The following SLC12A1 variants were observed in gnomAD, a reference collection of about 807,000 sequenced individuals.
SLC12A1 encodes the protein solute carrier family 12 member 1, also known as Na-K-2Cl cotransporter.
In SLC12A1, 89 loss-of-function variants were observed where a neutral mutation model predicts 130.4. The ratio of observed to expected loss-of-function variants is 0.68; its 90% CI spans 0.58 to 0.81. The LOEUF (loss-of-function observed/expected upper bound fraction) is 0.81, where lower values mean the gene tolerates loss of function less well. SLC12A1 is among the 40% of genes least tolerant of loss of function. SLC12A1 has a pLI of 0.00. For missense variants in SLC12A1, 1,310 were observed against 1,336.4 expected (o/e 0.98, Z 0.31); for synonymous variants, 499 against 460.0 (o/e 1.08, Z -1.09).
At chr15:48,285,522 G>C (rs1212444697) in intron 21 of SLC12A1, among the ~76,000 whole-genome samples, 1 of 152,184 alleles carries the variant, frequency 6.6e-6, no homozygotes, top group Non-Finnish European at 1.5e-5. Flanking sequence ...CAGATTGCAT[G>C]CCATAAAACA....
At chr15:48,253,687 G>T (rs141808552) in intron 15 of SLC12A1, among the ~76,000 whole-genome samples, 353 of 152,220 alleles carry the variant, frequency 2.3e-3, no homozygotes, top group Admixed American at 4.6e-3. Flanking sequence ...CTAGTAGTGG[G>T]ATTTATGATT....
intron 23 of SLC12A1, among the ~76,000 whole-genome samples, chr15:48,291,201 T>C (rs1000701520): frequency 6.6e-6 from 1 of 151,556 alleles, no homozygotes; most frequent in Non-Finnish European, 1.5e-5. Flanking sequence ...AAAACTTTTC[T>C]GTAACTTTGA....
intron 17 of SLC12A1, among the ~76,000 whole-genome samples, chr15:48,263,753 C>T (rs933388624): frequency 1.3e-5 from 2 of 151,990 alleles, no homozygotes; most frequent in Non-Finnish European, 2.9e-5. Flanking sequence ...AGTACAATGG[C>T]GCAATCATAG....
intron 22 of SLC12A1, 47 bp downstream of exon 22, chr15:48,288,221 A>G: frequency 6.4e-7 from 1 of 1,570,532 alleles, no homozygotes; most frequent in Non-Finnish European, 8.7e-7. Context: ...TTCAATTTTG[A>G]TAAACTTAAA....
intron 24 of SLC12A1, among the ~76,000 whole-genome samples, chr15:48,294,899 TTTTATTTA>T (rs6145555): frequency 1.4e-5 from 2 of 147,438 alleles, no homozygotes; most frequent in African/African-American, 2.6e-5. Context: ...CTTCTTTTTA[TTTTATTTA>T]TTTATTTATT....
In SLC12A1 at chr15:48,300,276, G is replaced by A. The variant is rs77996098; in HGVS notation, c.3096+1001G>A. 3.4e-3 allele frequency among the ~76,000 whole-genome samples: 522 copies of A among 151,826 alleles called. 1 individual carries two copies. The highest frequency in any genetic ancestry group is 0.012 in the African/African-American group (510 of 41,350). ...AGCCCAGGGGGCAGAGGTGAGCTGA[G>A]CTCGTGCCACTGTACTCTAGTCTGG... is the stretch of plus-strand genomic sequence containing the variant. On this transcript the variant is annotated intron_variant, in intron 25 of 26. Coordinates refer to ENST00000380993, the MANE Select transcript of SLC12A1 (RefSeq NM_000338.3).
chr15:48,249,426 C>A (rs1276447111), intron 13 of SLC12A1, 149 bp from the exon 14 acceptor site: 2 of 664,378 alleles, frequency 3.0e-6, no homozygotes, highest in Non-Finnish European at 5.3e-6. Context: ...ATATGTATCC[C>A]CAAAGAAAAA....
intron 17 of SLC12A1, among the ~76,000 whole-genome samples, chr15:48,260,282 TAATAAA>T (rs1297547333): frequency 2.7e-5 from 4 of 148,030 alleles, no homozygotes; most frequent in African/African-American, 9.9e-5. Context: ...ATAATAATAA[TAATAAA>T]GTCTAAGTCC....
rs1414445603 is a variant in SLC12A1, at chr15:48,288,321, T to C, written c.2762-84T>C. 11 of 1,051,982 alleles carry C rather than the reference T, an allele frequency of 1.0e-5. No individual in the cohort carries two copies. The African/African-American group carries it at 1.6e-4, about 15-fold the overall frequency. 65.2% of individuals were successfully genotyped at this position (1,051,982 alleles called of 1,614,324 possible). A position where few individuals can be genotyped will look rare whatever the true frequency, so the allele number is the denominator to read the frequency against. ...CTATAACTTAATTAAGAGCTATCAA[T>C]GTGGTAATGAATAAAGATATAAAGC... On this transcript the variant is annotated intron_variant, in intron 22 of 26. Coordinates refer to ENST00000380993, the MANE Select transcript of SLC12A1 (RefSeq NM_000338.3).
intron 4 of SLC12A1, chr15:48,223,070 TG>T (rs891752794): frequency 3.3e-5 from 5 of 152,244 alleles, no homozygotes; most frequent in Non-Finnish European, 5.9e-5. Context: ...CGGTATGACC[TG>T]AAGCAAGTCA....
intron 2 of SLC12A1, among the ~76,000 whole-genome samples, chr15:48,213,854 G>A (rs1474202144): frequency 6.6e-6 from 1 of 152,004 alleles, no homozygotes; most frequent in African/African-American, 2.4e-5. Flanking sequence ...AAACGACATC[G>A]TTATGGATAC....
In SLC12A1 at chr15:48,289,047, C is replaced by T. The variant is rs530499700; in HGVS notation, c.2873+531C>T. On this transcript the variant is annotated intron_variant, in intron 23 of 26. Coordinates refer to ENST00000380993, the MANE Select transcript of SLC12A1 (RefSeq NM_000338.3). ...AACGCATCTGGGTCCCCAGTTTCTC[C>T]TTTGTAGTTTGAAAGAGTTTAAAGG... is the stretch of plus-strand genomic sequence containing the variant. Among the ~76,000 whole-genome samples the T allele has an allele frequency of 4.6e-5, 7 of 151,890 alleles. No individual in the cohort carries two copies. The East Asian group carries it at 5.8e-4, about 13-fold the overall frequency.
intron 26 of SLC12A1, among the ~76,000 whole-genome samples, chr15:48,302,055 G>A (rs2042238549): frequency 1.3e-5 from 2 of 152,146 alleles, no homozygotes; most frequent in Non-Finnish European, 2.9e-5. Flanking sequence ...CTGCTGGATT[G>A]GGTGGTAGGG....
At chr15:48,274,499 T>G in intron 19 of SLC12A1, 72 bp from the exon 20 acceptor site, 6 of 923,726 alleles carry the variant, frequency 6.5e-6, no homozygotes, top group Non-Finnish European at 1.0e-5. Flanking sequence ...TAGAAGCAAG[T>G]GTAATACTAG....
intron 11 of SLC12A1, among the ~76,000 whole-genome samples, chr15:48,246,051 G>A (rs1020767948): frequency 3.9e-5 from 6 of 152,188 alleles, no homozygotes; most frequent in Non-Finnish European, 8.8e-5. Context: ...TAAATTTGTC[G>A]CGAAAGCTTC....
intron 17 of SLC12A1, among the ~76,000 whole-genome samples, 164 bp downstream of exon 17, chr15:48,259,475 G>A (rs189213566): frequency 7.9e-5 from 12 of 152,168 alleles, no homozygotes; most frequent in South Asian, 4.1e-4. Flanking sequence ...GCAAGAGCCC[G>A]TGATCCTGAA....
intron 26 of SLC12A1, 122 bp downstream of exon 26, chr15:48,301,504 G>GGC (rs2042232462): frequency 4.0e-6 from 2 of 502,812 alleles, no homozygotes; most frequent in Non-Finnish European, 6.3e-6. Flanking sequence ...GTTTTTTTTG[G>GGC]GGGGGGGAAC....
intron 20 of SLC12A1, among the ~76,000 whole-genome samples, chr15:48,282,263 T>C (rs1003357589): frequency 2.6e-5 from 4 of 152,196 alleles, no homozygotes; most frequent in African/African-American, 9.7e-5. Context: ...ATCTAAAGCA[T>C]TCGAGCAAAA....
chr15:48,300,917 C>G (rs1481772244), intron 25 of SLC12A1, among the ~76,000 whole-genome samples: 1 of 152,126 alleles, frequency 6.6e-6, no homozygotes, highest in Non-Finnish European at 1.5e-5. Flanking sequence ...AACAGAAAAC[C>G]TATTGCCTCA....
Sources: allele counts gnomAD v4.1 joint callset (sites outside exome capture counted in the v4.1 genomes callset), GRCh38; gene constraint gnomAD v4.1.1; transcripts MANE v1.5; gene names NCBI Gene and HGNC (gene_info 2026-07-23, HGNC 2026-07-21).